CDH3: variants seen among roughly 807,000 people sequenced by gnomAD.
CDH3 encodes cadherin 3.
A neutral mutation model predicts 82.0 loss-of-function variants in CDH3; 54 were observed. The ratio of observed to expected loss-of-function variants is 0.66; its 90% CI spans 0.53 to 0.83. The LOEUF (loss-of-function observed/expected upper bound fraction) is 0.83, where lower values mean the gene tolerates loss of function less well. CDH3 is among the 40% of genes least tolerant of loss of function. The probability of loss-of-function intolerance (pLI) is 0.00; values close to 1 mark genes in which losing one functional copy is unlikely to be tolerated. For synonymous variants in CDH3, 446 were observed against 437.9 expected (o/e 1.02, Z -0.23); for missense variants, 1,054 against 1,084.6 (o/e 0.97, Z 0.40).
At chr16:68,687,874 C>A (rs1007018023) in intron 12 of CDH3, 138 bp downstream of exon 12, 3 of 691,450 alleles carry the variant, frequency 4.3e-6, no homozygotes, top group African/African-American at 1.8e-5. Flanking sequence ...GAACCTCAAT[C>A]AGATGCTATT....
chr16:68,658,129 G>T (rs1390409186), intron 2 of CDH3, among the ~76,000 whole-genome samples: 1 of 147,832 alleles, frequency 6.8e-6, no homozygotes, highest in Non-Finnish European at 1.5e-5. Context: ...TGAACTCCTG[G>T]CCTCAAGTGA....
chr16:68,711,910 C>T (rs1050395853), intron 1 of CDH3, among the ~76,000 whole-genome samples: 8 of 152,112 alleles, frequency 5.3e-5, no homozygotes, highest in Admixed American at 1.3e-4. Flanking sequence ...GAGGAGCAGC[C>T]AGTGCTCCCA....
At chr16:68,653,834 C>T (rs1185464439) in intron 2 of CDH3, among the ~76,000 whole-genome samples, 2 of 151,598 alleles carry the variant, frequency 1.3e-5, no homozygotes, top group African/African-American at 2.4e-5. Context: ...GGACTACAGG[C>T]GCCCGCAACC....
chr16:68,719,295 A>G (rs998446386), intron 1 of CDH3, among the ~76,000 whole-genome samples: 7 of 151,986 alleles, frequency 4.6e-5, no homozygotes, highest in Admixed American at 1.3e-4. Context: ...AACTACAGAC[A>G]TACACAACAA....
Position 68,687,741 on chromosome 16 carries a change from C to T in CDH3, c.1795+5C>T, listed in dbSNP as rs1350077458. 1 of 1,608,342 alleles carries T rather than the reference C, an allele frequency of 6.2e-7. No individual in the cohort carries two copies. The highest frequency in any genetic ancestry group is 1.3e-5 in the African/African-American group (1 of 74,820). ...CGGCAGAGGTCAACGAGGAAGGTAC[C>T]TGAGTGAGTGGTGGTAGCGGGTGGG... On this transcript the variant is annotated splice_donor_5th_base_variant and intron_variant, in intron 12 of 15. Transcript: ENST00000264012.
intron 2 of CDH3, among the ~76,000 whole-genome samples, chr16:68,673,776 T>A (rs1359067382): frequency 6.6e-6 from 1 of 152,006 alleles, no homozygotes; most frequent in East Asian, 1.9e-4. Flanking sequence ...AATACTAAAA[T>A]TAGCTGGGCA....
intron 1 of CDH3, among the ~76,000 whole-genome samples, chr16:68,720,332 C>G (rs1418810134): frequency 2.0e-5 from 3 of 151,934 alleles, no homozygotes; most frequent in African/African-American, 7.3e-5. Context: ...GGGAATTCCC[C>G]ATGCATACCC....
rs75721240 is a variant in CDH3 at position 68,684,667 on chromosome 16, T to C, written c.1267T>C (p.Ser423Pro). 1 of 1,614,132 alleles carries C rather than the reference T, an allele frequency of 6.2e-7. No individual in the cohort carries two copies. The highest frequency in any genetic ancestry group is 8.5e-7 in the Non-Finnish European group (1 of 1,180,020). ...EAPFVLKLPT[S>P]TATIVVHVED... ...CCCTTTTGTGCTGAAGCTCCCAACCTCCACAGCCACCATAGTGGTCCACGT... is the reference window on the plus strand; with the variant it reads ...CCCTTTTGTGCTGAAGCTCCCAACCCCCACAGCCACCATAGTGGTCCACGT... The change falls in exon 10 of 16, where the codon TCC (serine) becomes CCC (proline). Residue 423 changes from serine (S) to proline (P), a missense_variant. Transcript: ENST00000264012.
chr16:68,660,197 GT>G (rs1960523668), intron 2 of CDH3, among the ~76,000 whole-genome samples: 1 of 152,194 alleles, frequency 6.6e-6, no homozygotes, highest in African/African-American at 2.4e-5. Flanking sequence ...GAGCTTTCAT[GT>G]TTAAACAATA....
At chr16:68,695,143 A>G (rs1961678201) in intron 13 of CDH3, 112 bp from the exon 14 acceptor site, 1 of 1,113,822 alleles carries the variant, frequency 9.0e-7, no homozygotes, top group Non-Finnish European at 1.4e-6. Flanking sequence ...TAGCATGTTA[A>G]GCTCTGGCTA....
At chr16:68,655,862 CA>C (rs897131881) in intron 2 of CDH3, among the ~76,000 whole-genome samples, 1 of 151,518 alleles carries the variant, frequency 6.6e-6, no homozygotes, top group African/African-American at 2.4e-5. Flanking sequence ...GACGCCGTCT[CA>C]AAAAAAGAAA....
Position 68,686,266 on chromosome 16 carries a change from G to C in CDH3, c.1570+916G>C, listed in dbSNP as rs1256318324. The C allele has an allele frequency of 1.7e-5, 11 of 645,272 alleles. No homozygotes were observed. In the South Asian group the frequency reaches 1.8e-4, roughly 11 times the overall value. The allele number at this position is 645,272 out of a possible 1,614,324, so 40.0% of individuals were successfully genotyped here. A position where few individuals can be genotyped will look rare whatever the true frequency, so the allele number is the denominator to read the frequency against. ...CCTCGGGGCGAGCGGCAAGGGCTGG[G>C]GTGAGTGCACCTGCACCCAGGCGGT... On this transcript the variant is annotated intron_variant, in intron 11 of 15. Coordinates refer to ENST00000264012, the MANE Select transcript of CDH3 (RefSeq NM_001793.6).
At chr16:68,680,111 C>A in intron 7 of CDH3, 137 bp downstream of exon 7, 1 of 818,880 alleles carries the variant, frequency 1.2e-6, no homozygotes, top group Non-Finnish European at 2.1e-6. Flanking sequence ...GGGATGGCCA[C>A]TGCTGGGTTC....
chr16:68,689,907 A>G (rs1302163889), intron 12 of CDH3, among the ~76,000 whole-genome samples: 1 of 152,206 alleles, frequency 6.6e-6, no homozygotes, highest in Non-Finnish European at 1.5e-5. Context: ...ACGGGCATTT[A>G]GTGGTAGAAA....
At chr16:68,688,902 G>A (rs1312322286) in intron 12 of CDH3, among the ~76,000 whole-genome samples, 3 of 152,124 alleles carry the variant, frequency 2.0e-5, no homozygotes, top group African/African-American at 7.2e-5. Flanking sequence ...TTACAAGCAT[G>A]AGCCACCACA....
intron 1 of CDH3, among the ~76,000 whole-genome samples, chr16:68,716,200 G>A (rs188765720): frequency 7.3e-5 from 11 of 151,556 alleles, no homozygotes; most frequent in Middle Eastern, 3.4e-3. Flanking sequence ...CCCGGGAGGC[G>A]GAGGTTGCAG....
intron 2 of CDH3, among the ~76,000 whole-genome samples, chr16:68,656,487 A>G (rs1960413762): frequency 6.6e-6 from 1 of 152,180 alleles, no homozygotes; most frequent in African/African-American, 2.4e-5. Flanking sequence ...GAATTCCAGA[A>G]TCACACTATG....
At chr16:68,647,589 C>T (rs1960113680) in intron 2 of CDH3, among the ~76,000 whole-genome samples, 1 of 152,124 alleles carries the variant, frequency 6.6e-6, no homozygotes, top group Admixed American at 6.6e-5. Flanking sequence ...GCGCTCGGCG[C>T]ACCTTGAAAC....
chr16:68,730,679 T>C (rs1186933332), downstream of CDH3, among the ~76,000 whole-genome samples: 1 of 152,154 alleles, frequency 6.6e-6, no homozygotes, highest in South Asian at 2.1e-4. Flanking sequence ...TTCTCAGATA[T>C]GCAGACTGAG....
Sources: allele counts gnomAD v4.1 joint callset (sites outside exome capture counted in the v4.1 genomes callset), GRCh38; gene constraint gnomAD v4.1.1; transcripts MANE v1.5; gene names NCBI Gene and HGNC (gene_info 2026-07-23, HGNC 2026-07-21).